Variants in CPNE4 observed in about 807,000 individuals in gnomAD.
CPNE4 encodes copine 4.
CPNE4 carries 25 observed loss-of-function variants against 67.9 expected under a neutral mutation model. The observed-to-expected ratio is 0.37, with a 90% CI of 0.27 to 0.51. CPNE4 has a LOEUF of 0.51. Ranked by LOEUF, CPNE4 falls within the 20% of genes least tolerant of loss-of-function variation. The pLI, the probability that CPNE4 is intolerant of heterozygous loss-of-function variation, is 0.93. For missense variants in CPNE4, 464 were observed against 690.8 expected (o/e 0.67, Z 3.68); for synonymous variants, 242 against 244.9 (o/e 0.99, Z 0.11).
chr3:131,792,717 A>ATG lies in CPNE4; in HGVS notation c.181-69094_181-69093dup, dbSNP rs749906236. ...TATACATATACACACACGTGTATAT[A>ATG]TGTATATATATACACGTGTGTATAT... On this transcript the variant is annotated intron_variant, in intron 2 of 15. Transcript: ENST00000429747. Among the ~76,000 whole-genome samples, 95 of 107,894 alleles carry ATG rather than the reference A, an allele frequency of 8.8e-4. 6 individuals carry two copies. The highest frequency in any genetic ancestry group is 3.5e-3 in the African/African-American group (93 of 26,560). The allele number at this position is 107,894 out of a possible 152,430, so 70.8% of individuals were successfully genotyped here.
At chr3:131,838,234 A>G (rs2085633739) in intron 2 of CPNE4, among the ~76,000 whole-genome samples, 1 of 152,034 alleles carries the variant, frequency 6.6e-6, no homozygotes, top group African/African-American at 2.4e-5. Context: ...ATTATAAGAC[A>G]TTCATGTTGA....
chr3:131,822,612 C>A (rs1395579535), intron 2 of CPNE4, among the ~76,000 whole-genome samples: 2 of 152,096 alleles, frequency 1.3e-5, no homozygotes, highest in Non-Finnish European at 1.5e-5. Context: ...ACCAAATGCC[C>A]AGACACAATT....
At position 131,547,490 on chromosome 3, in the gene CPNE4, AAAAAAAAAAAAC is replaced by A. The variant is rs1243645323; in HGVS notation, c.1302+2445_1302+2456del. ...AAAAAAAAAAAAAAAAAAAAAAAAA[AAAAAAAAAAAAC>A]CTAATAGTGTTCATGGCTTCTGAAA... On this transcript the variant is annotated intron_variant, in intron 14 of 15. Coordinates refer to ENST00000429747, the MANE Select transcript of CPNE4 (RefSeq NM_130808.3). Among the ~76,000 whole-genome samples, 121 of 124,298 alleles carry A rather than the reference AAAAAAAAAAAAC, an allele frequency of 9.7e-4. 8 individuals are homozygous for A. Among genetic ancestry groups the A allele is most frequent in the African/African-American group, 3.8e-3 (116 of 30,662 alleles). 81.5% of individuals were successfully genotyped at this position (124,298 alleles called of 152,430 possible).
chr3:131,682,738 A>G (rs962076534), intron 6 of CPNE4, among the ~76,000 whole-genome samples: 1 of 152,068 alleles, frequency 6.6e-6, no homozygotes, highest in Non-Finnish European at 1.5e-5. Context: ...AGTTCCTCCC[A>G]GTCCCAGGCA....
chr3:131,832,698 G>C (rs1044930698), intron 2 of CPNE4, among the ~76,000 whole-genome samples: 4 of 152,164 alleles, frequency 2.6e-5, no homozygotes, highest in Non-Finnish European at 4.4e-5. Flanking sequence ...TTCACAGATG[G>C]AGAGCAATTT....
intron 2 of CPNE4, among the ~76,000 whole-genome samples, chr3:131,785,720 G>T (rs909376320): frequency 1.3e-5 from 2 of 148,848 alleles, no homozygotes; most frequent in Non-Finnish European, 3.0e-5. Flanking sequence ...ATTCCCTGGT[G>T]TTTTGTCATT....
intron 1 of CPNE4, among the ~76,000 whole-genome samples, chr3:131,917,560 G>GCTCT (rs113280712): frequency 0.074 from 11,021 of 148,498 alleles, 436 homozygotes; most frequent in Middle Eastern, 0.16. Flanking sequence ...ATATGTTCTT[G>GCTCT]CTCTCTCTCT....
At chr3:131,621,826 G>C (rs1455079619) in intron 7 of CPNE4, among the ~76,000 whole-genome samples, 1 of 148,948 alleles carries the variant, frequency 6.7e-6, no homozygotes, top group Non-Finnish European at 1.5e-5. Flanking sequence ...GAGCAATGTG[G>C]CAAAACCCCA....
At chr3:131,571,461 C>T (rs1582820772) in intron 10 of CPNE4, among the ~76,000 whole-genome samples, 1 of 152,058 alleles carries the variant, frequency 6.6e-6, no homozygotes, top group South Asian at 2.1e-4. Context: ...GTGTCCAAAG[C>T]CAAATTCATC....
chr3:131,681,200 T>C (rs1206236626), intron 6 of CPNE4, among the ~76,000 whole-genome samples: 2 of 152,204 alleles, frequency 1.3e-5, no homozygotes, highest in African/African-American at 2.4e-5. Flanking sequence ...AGCATTATAA[T>C]ATTCTGTGTT....
At chr3:131,952,109 G>A (rs2107889944) in intron 1 of CPNE4, among the ~76,000 whole-genome samples, 1 of 149,076 alleles carries the variant, frequency 6.7e-6, no homozygotes, top group African/African-American at 2.5e-5. Context: ...ATCCCATCTA[G>A]GAAGTGAGGA....
chr3:131,851,611 G>T (rs547887541), intron 2 of CPNE4, among the ~76,000 whole-genome samples: 2 of 152,172 alleles, frequency 1.3e-5, no homozygotes, highest in African/African-American at 4.8e-5. Context: ...GATAGCGATG[G>T]AGAACAGGTT....
intron 2 of CPNE4, among the ~76,000 whole-genome samples, chr3:131,785,665 CTCTCTT>C (rs1404815318): frequency 1.2e-4 from 12 of 102,326 alleles, no homozygotes; most frequent in South Asian, 3.4e-4. Context: ...CTCTCTCTTT[CTCTCTT>C]TCTCTCTCTC....
chr3:131,942,746 G>C (rs1028197644), intron 1 of CPNE4, among the ~76,000 whole-genome samples: 2 of 151,956 alleles, frequency 1.3e-5, no homozygotes, highest in Non-Finnish European at 2.9e-5. Context: ...TCCTCTCTTC[G>C]AATCCCTCTA....
At chr3:131,970,570 AC>A (rs1394251784) in intron 1 of CPNE4, among the ~76,000 whole-genome samples, 1 of 152,162 alleles carries the variant, frequency 6.6e-6, no homozygotes, top group African/African-American at 2.4e-5. Flanking sequence ...TTTAAATTAA[AC>A]TTTTATTTAA....
chr3:131,732,987 C>A (rs1159378235), intron 2 of CPNE4, among the ~76,000 whole-genome samples: 1 of 152,202 alleles, frequency 6.6e-6, no homozygotes, highest in Non-Finnish European at 1.5e-5. Flanking sequence ...ATTTACTGAG[C>A]AATGGGTATG....
chr3:131,574,980 G>T, intron 10 of CPNE4, 91 bp downstream of exon 10: 6 of 1,079,870 alleles, frequency 5.6e-6, no homozygotes, highest in Non-Finnish European at 8.5e-6. Flanking sequence ...GTTTTAATAA[G>T]CTTTTGTCTC....
At chr3:131,901,458 T>C (rs756698340) in intron 2 of CPNE4, among the ~76,000 whole-genome samples, 22 of 152,102 alleles carry the variant, frequency 1.4e-4, no homozygotes, top group Non-Finnish European at 2.4e-4. Context: ...CAGTTTGTAA[T>C]GTATTTCAAA....
chr3:131,643,826 G>A (rs1187338325), intron 7 of CPNE4, among the ~76,000 whole-genome samples: 2 of 152,036 alleles, frequency 1.3e-5, no homozygotes, highest in Non-Finnish European at 2.9e-5. Context: ...CCCTTTGCTT[G>A]GCACTTCTCC....
Sources: gnomAD v4.1 joint callset for allele counts (sites outside exome capture counted in the v4.1 genomes callset) on GRCh38, gnomAD v4.1.1 for gene constraint, MANE v1.5 for transcripts, NCBI Gene and HGNC (gene_info 2026-07-23, HGNC 2026-07-21) for gene names.